Variants in ZBTB44 observed in about 807,000 individuals in gnomAD.
The protein encoded by ZBTB44 is zinc finger and BTB domain containing 44, also known as zinc finger and BTB domain-containing protein 44.
Under a neutral mutation model 54.0 loss-of-function variants are expected in ZBTB44, and 15 were observed. That is an observed-to-expected ratio of 0.28 (90% confidence interval 0.19 to 0.43). The LOEUF is 0.43. ZBTB44 is among the 20% of genes least tolerant of loss of function. The pLI is 1.00. For synonymous variants in ZBTB44, 230 were observed against 250.1 expected (o/e 0.92, Z 0.76); for missense variants, 487 against 707.1 (o/e 0.69, Z 3.53).
intron 2 of ZBTB44, among the ~76,000 whole-genome samples, chr11:130,254,248 T>G (rs9734570): frequency 6.6e-6 from 1 of 151,992 alleles, no homozygotes; most frequent in Non-Finnish European, 1.5e-5. Flanking sequence ...AGCTTTTGCA[T>G]AGCAAAAGAA....
At chr11:130,243,013 A>G (rs935523793) in intron 2 of ZBTB44, among the ~76,000 whole-genome samples, 1 of 152,172 alleles carries the variant, frequency 6.6e-6, no homozygotes, top group African/African-American at 2.4e-5. Context: ...TGCTGCCAAA[A>G]TGTTCACGGA....
At chr11:130,298,017 T>G (rs948331846) in intron 1 of ZBTB44, among the ~76,000 whole-genome samples, 2 of 152,184 alleles carry the variant, frequency 1.3e-5, no homozygotes, top group African/African-American at 2.4e-5. Context: ...TTGGCTTACT[T>G]TAATATCAGA....
chr11:130,253,534 G>A (rs1565653943), intron 2 of ZBTB44, among the ~76,000 whole-genome samples: 1 of 152,136 alleles, frequency 6.6e-6, no homozygotes, highest in African/African-American at 2.4e-5. Flanking sequence ...AACTCTTCAA[G>A]GAGAACTATA....
chr11:130,254,602 T>C (rs9666219), intron 2 of ZBTB44, among the ~76,000 whole-genome samples: 9,424 of 152,036 alleles, frequency 0.062, 700 homozygotes, highest in African/African-American at 0.18. Flanking sequence ...TGTGGAGAAA[T>C]AGGAACACTT....
intron 1 of ZBTB44, among the ~76,000 whole-genome samples, chr11:130,287,255 C>G (rs1941023093): frequency 6.6e-6 from 1 of 152,204 alleles, no homozygotes; most frequent in Non-Finnish European, 1.5e-5. Flanking sequence ...ATCCATCAGG[C>G]ACTCTCCCTT....
chr11:130,300,216 A>G (rs994781917), intron 1 of ZBTB44, among the ~76,000 whole-genome samples: 3 of 152,186 alleles, frequency 2.0e-5, no homozygotes, highest in African/African-American at 7.2e-5. Context: ...AAAGATGAAG[A>G]GAGTTCTGAA....
At chr11:130,251,172 G>A (rs531799862) in intron 2 of ZBTB44, among the ~76,000 whole-genome samples, 10 of 152,268 alleles carry the variant, frequency 6.6e-5, no homozygotes, top group African/African-American at 2.4e-4. Context: ...TAGCTGAATG[G>A]ATCAAGCGGA....
At chr11:130,302,880 C>T (rs112723101) in intron 1 of ZBTB44, among the ~76,000 whole-genome samples, 1,980 of 152,144 alleles carry the variant, frequency 0.013, 47 homozygotes, top group African/African-American at 0.045. Flanking sequence ...GAGGCTGAGG[C>T]GGGAGAATCT....
chr11:130,233,933 T>C (rs1953997282), intron 6 of ZBTB44: 1 of 985,894 alleles, frequency 1.0e-6, no homozygotes, highest in African/African-American at 2.1e-5. Flanking sequence ...TAAATTTAAA[T>C]GTACAAGACC....
intron 1 of ZBTB44, among the ~76,000 whole-genome samples, chr11:130,294,379 TC>T (rs1245488667): frequency 6.6e-6 from 1 of 151,674 alleles, no homozygotes; most frequent in Non-Finnish European, 1.5e-5. Flanking sequence ...GCCACTGCCC[TC>T]CAGCCTGGGT....
At chr11:130,275,361 T>C (rs1450311244) in intron 1 of ZBTB44, among the ~76,000 whole-genome samples, 1 of 152,164 alleles carries the variant, frequency 6.6e-6, no homozygotes, top group Non-Finnish European at 1.5e-5. Flanking sequence ...TTTTAAAAAA[T>C]AGTGACAGGG....
At position 130,261,265 on chromosome 11, in the gene ZBTB44, G is replaced by C; in HGVS notation, c.609C>G (p.Ser203Arg). The change falls in exon 2 of 8, where the codon AGC becomes AGG. Residue 203 changes from serine to arginine, a missense_variant. Physicochemically the swap from Ser to Arg is moderately radical, Grantham distance 110. Coordinates refer to ENST00000357899, the MANE Select transcript of ZBTB44 (RefSeq NM_001301098.2). This position sits in a 1 kb window ranked among gnomAD's most constrained non-coding sequence, Gnocchi z 4.8. ...CTGAAGAATTCAATACCTGGGGTGA[G>C]CTTGTTTGTGTGCCACACTTTACAG... ...ESPVKCGTQT[S>R]SPQVLNSSAS... 1.2e-6 allele frequency: 2 copies of C among 1,613,878 alleles called. No homozygotes were observed. The highest frequency in any genetic ancestry group is 1.7e-6 in the Non-Finnish European group (2 of 1,179,882).
chr11:130,306,392 C>A (rs1240005412), intron 1 of ZBTB44, among the ~76,000 whole-genome samples: 3 of 151,924 alleles, frequency 2.0e-5, no homozygotes, highest in African/African-American at 7.3e-5. Flanking sequence ...ATCCCAGCTA[C>A]TTGGGAGGCT....
chr11:130,299,903 C>A (rs369416099), intron 1 of ZBTB44, among the ~76,000 whole-genome samples: 1 of 152,144 alleles, frequency 6.6e-6, no homozygotes, highest in African/African-American at 2.4e-5. Context: ...AAGGTAGAAG[C>A]AACCCAAATG....
chr11:130,258,297 A>C (rs530514558), intron 2 of ZBTB44, among the ~76,000 whole-genome samples: 1 of 152,198 alleles, frequency 6.6e-6, no homozygotes, highest in African/African-American at 2.4e-5. Context: ...TTCAATATAC[A>C]TATTCAGTAT....
rs1304073059 is a variant in ZBTB44 at position 130,261,087 on chromosome 11, C to G, written c.787G>C (p.Gly263Arg). The change falls in exon 2 of 8, where the codon GGT becomes CGT. Residue 263 changes from glycine to arginine, a missense_variant. Around this residue, in one of 3 missense-constraint regions of ZBTB44, gnomAD observed 277 missense variants for 306.5 expected, o/e 0.90. Coordinates refer to ENST00000357899, the MANE Select transcript of ZBTB44 (RefSeq NM_001301098.2). The surrounding 1 kb of genome is among the most constrained non-coding windows in gnomAD (Gnocchi z 4.8). The part of the protein sequence containing the change: ...TLELPGPSET[G>R]RRMADYVTCE... ...GTCACATAATCAGCCATTCTTCTAC[C>G]GGTCTCAGATGGGCCAGGTAATTCT... 1 of 1,613,866 alleles carries G rather than the reference C, an allele frequency of 6.2e-7. No individual in the cohort carries two copies. The highest frequency in any genetic ancestry group is 2.2e-5 in the East Asian group (1 of 44,894).
At chr11:130,254,217 T>A (rs1938250929) in intron 2 of ZBTB44, among the ~76,000 whole-genome samples, 1 of 151,950 alleles carries the variant, frequency 6.6e-6, no homozygotes, top group Admixed American at 6.6e-5. Context: ...AATTGACAAA[T>A]GGGATCTAAT....
At chr11:130,288,649 G>A (rs1393347963) in intron 1 of ZBTB44, among the ~76,000 whole-genome samples, 1 of 151,986 alleles carries the variant, frequency 6.6e-6, no homozygotes, top group Non-Finnish European at 1.5e-5. Context: ...TGTAATCCCA[G>A]CACTTTGGGA....
At chr11:130,265,970 GCTACA>G (rs1255401738) in intron 1 of ZBTB44, among the ~76,000 whole-genome samples, 2 of 152,224 alleles carry the variant, frequency 1.3e-5, no homozygotes, top group Non-Finnish European at 2.9e-5. Flanking sequence ...GACGAAGGTG[GCTACA>G]CTAAACAGCA....
Sources: allele counts gnomAD v4.1 joint callset (sites outside exome capture counted in the v4.1 genomes callset), GRCh38; gene constraint gnomAD v4.1.1; regional missense constraint gnomAD v4.1.1; non-coding constraint Gnocchi (gnomAD v3.1); transcripts MANE v1.5; gene names NCBI Gene and HGNC (gene_info 2026-07-23, HGNC 2026-07-21).